SPIDR: variants seen among roughly 807,000 people sequenced by gnomAD.
SPIDR encodes DNA repair-scaffolding protein.
In SPIDR, 93 loss-of-function variants were observed where a neutral mutation model predicts 104.6. That is an observed-to-expected ratio of 0.89 (90% CI 0.75 to 1.06). The LOEUF is 1.06. Among genes scored for constraint, SPIDR ranks in the 50% least tolerant of loss-of-function variants. The pLI, the probability that SPIDR is intolerant of heterozygous loss-of-function variation, is 0.00. For missense variants in SPIDR, 1,154 were observed against 1,111.2 expected (o/e 1.04, Z -0.55); for synonymous variants, 431 against 416.9 (o/e 1.03, Z -0.41).
rs554942994 is a variant in SPIDR at position 47,724,639 on chromosome 8, G to T, written c.2342-2561G>T. Among the ~76,000 whole-genome samples the T allele has an allele frequency of 2.6e-5, 4 of 152,348 alleles. No individual in the cohort carries two copies. The South Asian group carries it at 8.3e-4, about 32-fold the overall frequency. ...GCAGCTGAACCAGCTGAGCATCTGG[G>T]TCTCAGATGGCTGAGTACTGAACAT... On this transcript the variant is annotated intron_variant, in intron 16 of 19. Coordinates refer to ENST00000297423, the MANE Select transcript of SPIDR (RefSeq NM_001080394.4).
intron 8 of SPIDR, among the ~76,000 whole-genome samples, chr8:47,539,699 G>A (rs967921870): frequency 1.3e-5 from 2 of 151,892 alleles, no homozygotes; most frequent in African/African-American, 2.4e-5. Context: ...CCTGGGAAGT[G>A]GGGTTTGGTG....
chr8:47,482,670 T>C (rs1554728003), intron 8 of SPIDR, among the ~76,000 whole-genome samples: 1 of 152,162 alleles, frequency 6.6e-6, no homozygotes, highest in East Asian at 1.9e-4. Context: ...GGCTCCAGTC[T>C]ATGCACTGAG....
chr8:47,533,989 G>A (rs1451121343), intron 8 of SPIDR, among the ~76,000 whole-genome samples: 7 of 152,172 alleles, frequency 4.6e-5, no homozygotes, highest in Admixed American at 1.3e-4. Context: ...TGTCAAGGGC[G>A]GGACCAGGTG....
chr8:47,454,743 A>G (rs1353705827), intron 8 of SPIDR, among the ~76,000 whole-genome samples: 5 of 152,134 alleles, frequency 3.3e-5, no homozygotes, highest in Admixed American at 1.3e-4. Context: ...GCTTGCATCT[A>G]TAGCCTCAAT....
intron 14 of SPIDR, among the ~76,000 whole-genome samples, chr8:47,704,315 T>C (rs182405019): frequency 5.3e-4 from 80 of 152,236 alleles, no homozygotes; most frequent in Non-Finnish European, 3.4e-4. Context: ...CATGTACATA[T>C]CATTTTATCT....
chr8:47,276,962 CTT>C (rs2036554944), intron 1 of SPIDR: 1 of 139,428 alleles, frequency 7.2e-6, no homozygotes, highest in African/African-American at 2.7e-5. Context: ...GAGTTTCACT[CTT>C]GTTTCCCAGG....
chr8:47,661,464 G>A (rs2074093674), intron 10 of SPIDR, among the ~76,000 whole-genome samples: 1 of 152,226 alleles, frequency 6.6e-6, no homozygotes, highest in South Asian at 2.1e-4. Context: ...TTGGCAGTGG[G>A]TATTCTATGG....
chr8:47,711,234 G>C (rs939321237), intron 14 of SPIDR, among the ~76,000 whole-genome samples: 34 of 152,178 alleles, frequency 2.2e-4, no homozygotes, highest in African/African-American at 8.2e-4. Context: ...GACACAGTAA[G>C]ATGCGTCAAA....
rs559092710 is a variant in SPIDR, at chr8:47,493,093, G to A, written c.1097+52551G>A. 3.5e-5 allele frequency among the ~76,000 whole-genome samples: 5 copies of A among 144,900 alleles called. No individual in the cohort carries two copies. The South Asian group carries it at 6.9e-4, about 20-fold the overall frequency. On this transcript the variant is annotated intron_variant, in intron 8 of 19. Transcript: ENST00000297423. ...TGTGTGTGTGTTTAAATAGAACTTC[G>A]CAGATAGCACCTGTCATATTCTGCT...
chr8:47,530,317 G>A (rs1403449003), intron 8 of SPIDR, among the ~76,000 whole-genome samples: 2 of 152,032 alleles, frequency 1.3e-5, no homozygotes, highest in Admixed American at 6.6e-5. Context: ...GGTGACACTC[G>A]CCTGTAATCC....
intron 8 of SPIDR, among the ~76,000 whole-genome samples, chr8:47,441,322 A>G (rs2069386181): frequency 6.6e-6 from 1 of 152,164 alleles, no homozygotes; most frequent in African/African-American, 2.4e-5. Context: ...GATCTAGACC[A>G]AGTTAAAAAT....
chr8:47,528,372 A>G lies in SPIDR; in HGVS notation c.1098-67439A>G, dbSNP rs1219987801. ...TATACTGCAGTCTGTCTCACACAAT[A>G]TATCATTGTCTGGCTTTCAACAACA... On this transcript the variant is annotated intron_variant, in intron 8 of 19. Coordinates refer to ENST00000297423, the MANE Select transcript of SPIDR (RefSeq NM_001080394.4). Among the ~76,000 whole-genome samples, 3 of 152,332 alleles carry G rather than the reference A, an allele frequency of 2.0e-5. No homozygotes were observed. The South Asian group carries it at 6.2e-4, about 32-fold the overall frequency.
chr8:47,519,876 G>A (rs2083777209), intron 8 of SPIDR, among the ~76,000 whole-genome samples: 1 of 152,154 alleles, frequency 6.6e-6, no homozygotes, highest in Non-Finnish European at 1.5e-5. Flanking sequence ...CTTGATTGGA[G>A]ACATGATCTT....
intron 1 of SPIDR, among the ~76,000 whole-genome samples, chr8:47,261,416 G>A (rs2032262702): frequency 6.6e-6 from 1 of 152,174 alleles, no homozygotes; most frequent in Non-Finnish European, 1.5e-5. Context: ...TGCCGCACTC[G>A]GAGGGGACTG....
At chr8:47,732,333 C>A in intron 19 of SPIDR, 3 of 639,526 alleles carry the variant, frequency 4.7e-6, no homozygotes, top group South Asian at 3.6e-5. Flanking sequence ...ATCAGAGCAC[C>A]TTTGCCCATG....
At chr8:47,692,462 A>G (rs1048212917) in intron 11 of SPIDR, among the ~76,000 whole-genome samples, 5 of 148,188 alleles carry the variant, frequency 3.4e-5, no homozygotes, top group African/African-American at 1.2e-4. Context: ...AGGTCCATCC[A>G]TGATGTAACA....
intron 8 of SPIDR, among the ~76,000 whole-genome samples, chr8:47,509,272 G>A (rs540823548): frequency 3.5e-4 from 53 of 152,302 alleles, no homozygotes; most frequent in South Asian, 1.2e-3. Flanking sequence ...GTAGAAATCC[G>A]GAAGCCCTTG....
intron 5 of SPIDR, among the ~76,000 whole-genome samples, chr8:47,371,267 A>C (rs2057989377): frequency 1.3e-5 from 2 of 152,074 alleles, no homozygotes; most frequent in South Asian, 4.1e-4. Flanking sequence ...AGTTTGAAAA[A>C]AAATTGAAAA....
intron 10 of SPIDR, among the ~76,000 whole-genome samples, chr8:47,648,791 A>G (rs1291931980): frequency 1.3e-5 from 2 of 152,236 alleles, no homozygotes; most frequent in Non-Finnish European, 2.9e-5. Flanking sequence ...CCAACTAGCC[A>G]AATCTGGGGC....
Sources: gnomAD v4.1 joint callset for allele counts (sites outside exome capture counted in the v4.1 genomes callset) on GRCh38, gnomAD v4.1.1 for gene constraint, MANE v1.5 for transcripts, NCBI Gene and HGNC (gene_info 2026-07-23, HGNC 2026-07-21) for gene names.